The following GANAB variants were observed in gnomAD, a reference collection of about 807,000 sequenced individuals.
The protein encoded by GANAB is glucosidase II alpha subunit.
GANAB carries 35 observed loss-of-function variants against 129.9 expected under a neutral mutation model. The observed-to-expected ratio is 0.27, with a 90% CI of 0.21 to 0.36. The LOEUF (loss-of-function observed/expected upper bound fraction) is 0.36, where lower values mean the gene tolerates loss of function less well. Ranked by LOEUF, GANAB falls within the 10% of genes least tolerant of loss-of-function variation. The pLI, the probability that GANAB is intolerant of heterozygous loss-of-function variation, is 1.00. For missense variants in GANAB, 939 were observed against 1,221.0 expected (o/e 0.77, Z 3.44); for synonymous variants, 482 against 451.8 (o/e 1.07, Z -0.85).
At chr11:62,626,314 G>C (rs776795874) in intron 22 of GANAB, 21 bp downstream of exon 22, 1 of 1,522,526 alleles carries the variant, frequency 6.6e-7, no homozygotes, top group East Asian at 2.3e-5. Context: ...GGCAGCCAAG[G>C]AAGAGTGGGT....
At chr11:62,644,585 T>C (rs913193634) in intron 1 of GANAB, among the ~76,000 whole-genome samples, 6 of 151,890 alleles carry the variant, frequency 4.0e-5, no homozygotes, top group Non-Finnish European at 7.4e-5. Flanking sequence ...GCACCACTGC[T>C]CTCCAGCCTG....
intron 5 of GANAB, chr11:62,633,844 TG>T (rs1473095594): frequency 4.4e-6 from 2 of 451,262 alleles, no homozygotes; most frequent in East Asian, 8.3e-5. Flanking sequence ...TTGCCTCTAC[TG>T]AGAGATTCTG....
At chr11:62,627,549 T>G (rs1389445904) in intron 17 of GANAB, among the ~76,000 whole-genome samples, 196 bp from the exon 18 acceptor site, 1 of 151,948 alleles carries the variant, frequency 6.6e-6, no homozygotes, top group East Asian at 1.9e-4. Context: ...CTGAACAACA[T>G]GGTGAAACCC....
intron 5 of GANAB, chr11:62,633,762 T>A: frequency 1.8e-6 from 1 of 566,370 alleles, no homozygotes; most frequent in East Asian, 3.0e-5. Context: ...AACACCAGCC[T>A]CTGTCAACAT....
chr11:62,645,360 C>T (rs1944431876), intron 1 of GANAB, among the ~76,000 whole-genome samples: 1 of 152,116 alleles, frequency 6.6e-6, no homozygotes, highest in Non-Finnish European at 1.5e-5. Flanking sequence ...CATAGTGAAA[C>T]CCCGTCTCTA....
chr11:62,633,659 G>T (rs1445393468), intron 5 of GANAB, 145 bp from the exon 6 acceptor site: 2 of 690,826 alleles, frequency 2.9e-6, no homozygotes, highest in East Asian at 5.2e-5. Flanking sequence ...GCTTGGAGAG[G>T]GAACCCACAA....
chr11:62,632,993 C>G lies in GANAB; in HGVS notation c.815+12G>C, dbSNP rs1565098987. 2 of 1,494,100 alleles carry G rather than the reference C, an allele frequency of 1.3e-6. No homozygotes were observed. The highest frequency in any genetic ancestry group is 1.9e-6 in the Non-Finnish European group (2 of 1,070,858). The allele number at this position is 1,494,100 out of a possible 1,614,324, so 92.6% of individuals were successfully genotyped here. A position where few individuals can be genotyped will look rare whatever the true frequency, so the allele number is the denominator to read the frequency against. On this transcript the variant is annotated intron_variant, in intron 8 of 23. Transcript: ENST00000356638. ...CCCACCTCCATCTTCCTGATGTCAC[C>G]ATAGGACTCACTCAGTGACCTTCAG...
rs372528710 is a variant in GANAB at position 62,633,289 on chromosome 11, G to C, written c.631-18C>G. Reference sequence around the variant, plus strand: ...TCCTCTGGCTGTTAAGAAGAAAAGAGGACCACTCTCCAATCATACCAGTTC... The same window carrying C: ...TCCTCTGGCTGTTAAGAAGAAAAGACGACCACTCTCCAATCATACCAGTTC... On this transcript the variant is annotated intron_variant, in intron 6 of 23. Transcript: ENST00000356638. 1.9e-6 allele frequency: 3 copies of C among 1,596,882 alleles called. No individual in the cohort carries two copies. Among genetic ancestry groups the C allele is most frequent in the Non-Finnish European group, 2.6e-6 (3 of 1,164,406 alleles).
chr11:62,626,173 T>G lies in GANAB; in HGVS notation c.2625-8A>C. 1 of 1,589,264 alleles carries G rather than the reference T, an allele frequency of 6.3e-7. No individual in the cohort carries two copies. The highest frequency in any genetic ancestry group is 1.1e-5 in the South Asian group (1 of 90,616). Reference sequence around the variant, plus strand: ...CCTTCAGGGTCTGCTGAGCTGGAGATGGTAAAAGCAGATGTCCATCAGGGG... The same window carrying G: ...CCTTCAGGGTCTGCTGAGCTGGAGAGGGTAAAAGCAGATGTCCATCAGGGG... On this transcript the variant is annotated splice_polypyrimidine_tract_variant and splice_region_variant and intron_variant, in intron 22 of 23. Coordinates refer to ENST00000356638, the MANE Select transcript of GANAB (RefSeq NM_198334.3).
rs541619856 is a variant in GANAB at position 62,633,171 on chromosome 11, C to T, written c.718+13G>A. ...AGCCCTGCACCCCAGCCCAAGGAAC[C>T]CGAGCCCCTCACCATACGGCTTGCT... On this transcript the variant is annotated intron_variant, in intron 7 of 23. Transcript: ENST00000356638. The T allele has an allele frequency of 6.2e-7, 1 of 1,612,102 alleles. No homozygotes were observed. Among genetic ancestry groups the T allele is most frequent in the African/African-American group, 1.3e-5 (1 of 74,958 alleles).
intron 4 of GANAB, among the ~76,000 whole-genome samples, chr11:62,635,658 C>T (rs954019654): frequency 2.0e-5 from 3 of 149,064 alleles, no homozygotes; most frequent in African/African-American, 7.4e-5. Flanking sequence ...TGGAGTCTCG[C>T]TCTGTTGCCC....
At position 62,634,836 on chromosome 11, in the gene GANAB, C is replaced by T; in HGVS notation, c.545G>A (p.Arg182Lys). Residue 182 changes from arginine (R) to lysine (K), a missense_variant, in exon 5 of 24, where the codon AGG becomes AAG. Physicochemically the swap from Arg to Lys is conservative, Grantham distance 26. Around this residue, in one of 5 missense-constraint regions of GANAB, gnomAD observed 321 missense variants for 329.1 expected, o/e 0.98. Transcript: ENST00000356638. ...CTGTACTCACGAGACCCTAGGGGCC[C>T]TCTGATGCTCAAACTCCAAGAGTCC... is the stretch of plus-strand genomic sequence containing the variant. Reference protein sequence around the residue: ...ARGLLEFEHQRAPRVSQGSKD... With the variant: ...ARGLLEFEHQKAPRVSQGSKD... 1 of 1,613,930 alleles carries T rather than the reference C, an allele frequency of 6.2e-7. No homozygotes were observed. Among genetic ancestry groups the T allele is most frequent in the Non-Finnish European group, 8.5e-7 (1 of 1,179,828 alleles).
chr11:62,643,982 T>C (rs754952268), intron 1 of GANAB, among the ~76,000 whole-genome samples: 1 of 152,218 alleles, frequency 6.6e-6, no homozygotes, highest in African/African-American at 2.4e-5. Context: ...TTCACTCTTG[T>C]TGCCCATGCT....
chr11:62,630,018 G>A, intron 13 of GANAB, 61 bp from the exon 14 acceptor site: 2 of 1,558,972 alleles, frequency 1.3e-6, no homozygotes, highest in Non-Finnish European at 1.8e-6. Context: ...GACAAACAGT[G>A]TCAGAGAAGA....
At chr11:62,635,814 G>A (rs1311793734) in intron 4 of GANAB, among the ~76,000 whole-genome samples, 1 of 151,194 alleles carries the variant, frequency 6.6e-6, no homozygotes, top group Non-Finnish European at 1.5e-5. Context: ...ATTTTTAGGA[G>A]ATATGATTTT....
chr11:62,636,899 C>A (rs186166648), intron 4 of GANAB, among the ~76,000 whole-genome samples: 2 of 151,870 alleles, frequency 1.3e-5, no homozygotes, highest in African/African-American at 4.8e-5. Context: ...TGCACTCAGC[C>A]TAAGCAACAG....
intron 5 of GANAB, 114 bp downstream of exon 5, chr11:62,634,707 A>C: frequency 1.1e-6 from 1 of 872,222 alleles, no homozygotes; most frequent in Non-Finnish European, 1.8e-6. Context: ...AGCTTCTCCC[A>C]GCCCCCAGGC....
intron 19 of GANAB, 54 bp downstream of exon 19, chr11:62,626,994 T>A: frequency 1.3e-6 from 2 of 1,582,270 alleles, no homozygotes; most frequent in Non-Finnish European, 1.7e-6. Flanking sequence ...TCCCGTCCTG[T>A]TTGCCTCCTT....
Position 62,625,554 on chromosome 11 carries a change from A to G in GANAB, c.*261T>C. ...GTGGTTTCCTGGTGTTCGTAAGTGA[A>G]TGTGCTCCAGTTAGAGCAACAGGAT... On this transcript the variant is annotated 3_prime_UTR_variant, in exon 24 of 24. Coordinates refer to ENST00000356638, the MANE Select transcript of GANAB (RefSeq NM_198334.3). 1 of 516,328 alleles carries G rather than the reference A, an allele frequency of 1.9e-6. No individual in the cohort carries two copies. Among genetic ancestry groups the G allele is most frequent in the Non-Finnish European group, 3.5e-6 (1 of 284,024 alleles). 32.0% of individuals were successfully genotyped at this position (516,328 alleles called of 1,614,324 possible). A position where few individuals can be genotyped will look rare whatever the true frequency, so the allele number is the denominator to read the frequency against.
Sources: gnomAD v4.1 joint callset for allele counts (sites outside exome capture counted in the v4.1 genomes callset) on GRCh38, gnomAD v4.1.1 for gene constraint, gnomAD v4.1.1 regional missense constraint, MANE v1.5 for transcripts, NCBI Gene and HGNC (gene_info 2026-07-23, HGNC 2026-07-21) for gene names.